Variants in CSMD1 observed in about 807,000 individuals in gnomAD.
CSMD1 encodes CUB and Sushi multiple domains 1.
CSMD1 carries 213 observed loss-of-function variants against 417.5 expected under a neutral mutation model. The observed-to-expected ratio is 0.51, with a 90% CI of 0.46 to 0.57. The LOEUF (loss-of-function observed/expected upper bound fraction) is 0.57, where lower values mean the gene tolerates loss of function less well. CSMD1 is among the 20% of genes least tolerant of loss of function. CSMD1 has a pLI of 0.00. For synonymous variants in CSMD1, 2,862 were observed against 1,736.8 expected (o/e 1.65, Z -16.11); for missense variants, 6,923 against 4,529.7 (o/e 1.53, Z -15.17).
chr8:4,156,548 A>T (rs1000255719), intron 3 of CSMD1, among the ~76,000 whole-genome samples: 1 of 152,202 alleles, frequency 6.6e-6, no homozygotes, highest in Non-Finnish European at 1.5e-5. Flanking sequence ...CTAAATTCAA[A>T]TTCTAAAAGA....
intron 5 of CSMD1, among the ~76,000 whole-genome samples, chr8:3,841,090 G>A (rs903692255): frequency 2.0e-5 from 3 of 152,058 alleles, no homozygotes; most frequent in African/African-American, 7.2e-5. Context: ...GTTAAATCAA[G>A]TATTAAATAG....
chr8:4,500,864 G>C (rs557291003), intron 2 of CSMD1, among the ~76,000 whole-genome samples: 9 of 152,184 alleles, frequency 5.9e-5, no homozygotes, highest in Admixed American at 5.9e-4. Flanking sequence ...TCTGTCTCTG[G>C]CGTAACCTTA....
intron 1 of CSMD1, among the ~76,000 whole-genome samples, chr8:4,837,642 G>A (rs1272342322): frequency 6.6e-6 from 1 of 152,030 alleles, no homozygotes; most frequent in South Asian, 2.1e-4. Flanking sequence ...GGGGAGGTAG[G>A]GATAGTTAAC....
chr8:3,480,890 C>T (rs1817702242), intron 11 of CSMD1, among the ~76,000 whole-genome samples: 1 of 151,962 alleles, frequency 6.6e-6, no homozygotes, highest in African/African-American at 2.4e-5. Context: ...GGGGCAATGG[C>T]TCACGCCTGT....
chr8:3,429,615 T>G (rs192089120), intron 12 of CSMD1, among the ~76,000 whole-genome samples: 2 of 152,178 alleles, frequency 1.3e-5, no homozygotes, highest in South Asian at 4.2e-4. Context: ...TGACGAGGGG[T>G]GGTGAAAACA....
chr8:4,373,848 G>A (rs1269979192), intron 3 of CSMD1, among the ~76,000 whole-genome samples: 6 of 152,124 alleles, frequency 3.9e-5, no homozygotes, highest in Non-Finnish European at 8.8e-5. Flanking sequence ...GCTTTTCTAT[G>A]TATATGTATA....
chr8:3,105,324 G>A (rs1013315589), intron 46 of CSMD1, among the ~76,000 whole-genome samples: 2 of 152,160 alleles, frequency 1.3e-5, no homozygotes, highest in Non-Finnish European at 2.9e-5. Context: ...CCTAAGGAAT[G>A]ACAATAGTTG....
intron 1 of CSMD1, among the ~76,000 whole-genome samples, chr8:4,890,726 A>G (rs1247472427): frequency 6.6e-6 from 1 of 151,896 alleles, no homozygotes; most frequent in Non-Finnish European, 1.5e-5. Context: ...TCGCTGCAAA[A>G]GTAATTGCGG....
At chr8:3,070,451 C>T (rs1813257599) in intron 49 of CSMD1, among the ~76,000 whole-genome samples, 1 of 152,214 alleles carries the variant, frequency 6.6e-6, no homozygotes, top group Non-Finnish European at 1.5e-5. Flanking sequence ...AGCCAGGCCA[C>T]ATCTTGAATG....
intron 5 of CSMD1, among the ~76,000 whole-genome samples, chr8:3,916,009 T>C (rs563041472): frequency 4.0e-4 from 60 of 151,594 alleles, no homozygotes; most frequent in African/African-American, 1.4e-3. Flanking sequence ...ATGCAATTAG[T>C]TGGAAAATGT....
intron 1 of CSMD1, among the ~76,000 whole-genome samples, chr8:4,737,006 A>C (rs1458810483): frequency 6.6e-6 from 1 of 152,216 alleles, no homozygotes; most frequent in Non-Finnish European, 1.5e-5. Context: ...TTTTGCATTT[A>C]ACATTCTATC....
intron 10 of CSMD1, among the ~76,000 whole-genome samples, chr8:3,531,586 G>A (rs532979541): frequency 6.6e-6 from 1 of 152,280 alleles, no homozygotes; most frequent in East Asian, 1.9e-4. Flanking sequence ...TTCCATCTGT[G>A]GTCTGGCCCC....
chr8:3,331,934 AATAG>A (rs1294159224), intron 23 of CSMD1, among the ~76,000 whole-genome samples: 2 of 152,208 alleles, frequency 1.3e-5, no homozygotes, highest in Non-Finnish European at 2.9e-5. Flanking sequence ...GGTGACTGAT[AATAG>A]ATAGCTAGAT....
chr8:3,108,791 T>C (rs1816316669), intron 43 of CSMD1, 43 bp from the exon 44 acceptor site: 1 of 1,559,758 alleles, frequency 6.4e-7, no homozygotes, highest in African/African-American at 1.4e-5. Flanking sequence ...GATATTTACT[T>C]CTGAGTGAGA....
intron 26 of CSMD1, among the ~76,000 whole-genome samples, chr8:3,267,854 C>T (rs1490470568): frequency 6.6e-6 from 1 of 152,160 alleles, no homozygotes; most frequent in Non-Finnish European, 1.5e-5. Context: ...ATGTGCAGGA[C>T]CCTGGCAGGG....
chr8:3,735,323 AAC>A (rs1019567847), intron 6 of CSMD1, among the ~76,000 whole-genome samples: 102 of 31,842 alleles, frequency 3.2e-3, no homozygotes, highest in African/African-American at 5.5e-3. Context: ...AAAACACACA[AAC>A]ACACACACAC....
chr8:3,552,509 T>C (rs572791599), intron 10 of CSMD1, among the ~76,000 whole-genome samples: 3 of 152,310 alleles, frequency 2.0e-5, no homozygotes, highest in South Asian at 2.1e-4. Flanking sequence ...AAAACATTGC[T>C]AAAGAGACTC....
chr8:3,926,641 A>C (rs1054952210), intron 5 of CSMD1, among the ~76,000 whole-genome samples: 6 of 151,800 alleles, frequency 4.0e-5, no homozygotes, highest in African/African-American at 7.3e-5. Flanking sequence ...ATATTATTAG[A>C]AACAATTAAT....
intron 52 of CSMD1, among the ~76,000 whole-genome samples, chr8:3,010,782 C>T (rs1040798535): frequency 6.7e-6 from 1 of 149,412 alleles, no homozygotes; most frequent in African/African-American, 2.5e-5. Flanking sequence ...TTTGCTCTGT[C>T]ACTCAGGCTG....
Sources: allele counts gnomAD v4.1 joint callset (sites outside exome capture counted in the v4.1 genomes callset), GRCh38; gene constraint gnomAD v4.1.1; transcripts MANE v1.5; gene names NCBI Gene and HGNC (gene_info 2026-07-23, HGNC 2026-07-21).